BMPR1B: variants seen among roughly 807,000 people sequenced by gnomAD.
The protein encoded by BMPR1B is bone morphogenetic protein receptor type 1B.
BMPR1B carries 12 observed loss-of-function variants against 59.1 expected under a neutral mutation model. The observed-to-expected ratio is 0.20, with a 90% CI of 0.13 to 0.33. The LOEUF is 0.33. BMPR1B is among the 10% of genes least tolerant of loss of function. The pLI is 1.00. For missense variants in BMPR1B, 550 were observed against 610.9 expected, an observed-to-expected ratio of 0.90 and a Z score of 1.05; for synonymous variants, 237 against 207.3, an observed-to-expected ratio of 1.14 and a Z score of -1.23.
chr4:95,012,202 T>C (rs895167814), intron 3 of BMPR1B, among the ~76,000 whole-genome samples: 2 of 152,216 alleles, frequency 1.3e-5, no homozygotes, highest in African/African-American at 4.8e-5. Flanking sequence ...ATTCCCTATT[T>C]TGAGATGTCC....
chr4:94,796,170 G>A (rs1229908321), intron 1 of BMPR1B, among the ~76,000 whole-genome samples: 9 of 152,028 alleles, frequency 5.9e-5, no homozygotes, highest in Admixed American at 5.9e-4. Context: ...TCACCATGTT[G>A]GCCAGGCTGG....
At position 94,877,339 on chromosome 4, in the gene BMPR1B, G is replaced by A. The variant is rs370166729; in HGVS notation, c.-113+1439G>A. 2.0e-5 allele frequency among the ~76,000 whole-genome samples: 3 copies of A among 152,186 alleles called. No individual in the cohort carries two copies. The East Asian group carries it at 5.8e-4, about 29-fold the overall frequency. ...TGGAAAAGGTTTTGCTCATTTTTGA[G>A]TCATGCTTCCAGTTGTTGATGGGAT... On this transcript the variant is annotated intron_variant, in intron 2 of 12. Coordinates refer to ENST00000515059, the MANE Select transcript of BMPR1B (RefSeq NM_001203.3).
chr4:95,134,857 T>C (rs1733651990), intron 10 of BMPR1B, among the ~76,000 whole-genome samples: 1 of 152,224 alleles, frequency 6.6e-6, no homozygotes, highest in African/African-American at 2.4e-5. Context: ...CAGAAGCTCT[T>C]TAGTTTAATT....
At chr4:95,134,639 T>C (rs950248259) in intron 10 of BMPR1B, among the ~76,000 whole-genome samples, 13 of 152,254 alleles carry the variant, frequency 8.5e-5, no homozygotes, top group African/African-American at 1.4e-4. Context: ...CATTTTTTCA[T>C]GTGTCTTTTG....
intron 2 of BMPR1B, among the ~76,000 whole-genome samples, chr4:94,943,396 T>C (rs1355399204): frequency 6.6e-6 from 1 of 152,172 alleles, no homozygotes; most frequent in African/African-American, 2.4e-5. Context: ...AGGGCTGGGA[T>C]TACAGGCGTG....
At chr4:94,922,813 A>T (rs1014836564) in intron 2 of BMPR1B, among the ~76,000 whole-genome samples, 2 of 152,138 alleles carry the variant, frequency 1.3e-5, no homozygotes, top group Non-Finnish European at 2.9e-5. Flanking sequence ...TATTTAGATA[A>T]ATGTTAAAAT....
chr4:95,051,314 G>A lies in BMPR1B; in HGVS notation c.-17-53094G>A, dbSNP rs148035299. Among the ~76,000 whole-genome samples, 738 of 152,312 alleles carry A rather than the reference G, an allele frequency of 4.8e-3. 2 individuals are homozygous for A. The highest frequency in any genetic ancestry group is 0.016 in the African/African-American group (682 of 41,564). On this transcript the variant is annotated intron_variant, in intron 3 of 12. Coordinates refer to ENST00000515059, the MANE Select transcript of BMPR1B (RefSeq NM_001203.3). ...AGAAACAAACTATTTTATGACAGCA[G>A]CGTTTTAAATGAGGTTTGCTATGGA...
At chr4:94,817,697 G>C (rs2110648916) in intron 1 of BMPR1B, among the ~76,000 whole-genome samples, 1 of 152,220 alleles carries the variant, frequency 6.6e-6, no homozygotes, top group Middle Eastern at 3.4e-3. Context: ...CATGATTACT[G>C]TGAGGGTGAG....
chr4:94,942,915 T>G (rs887615565), intron 2 of BMPR1B, among the ~76,000 whole-genome samples: 1 of 152,216 alleles, frequency 6.6e-6, no homozygotes, highest in Non-Finnish European at 1.5e-5. Flanking sequence ...TCTCCGCATA[T>G]ACATGATACT....
intron 1 of BMPR1B, among the ~76,000 whole-genome samples, chr4:94,818,762 T>C (rs932754345): frequency 5.3e-5 from 8 of 152,188 alleles, no homozygotes; most frequent in Admixed American, 4.6e-4. Context: ...AAGAAATGTT[T>C]TATTAGTCTA....
chr4:95,052,854 C>G (rs1023847821), intron 3 of BMPR1B, among the ~76,000 whole-genome samples: 2 of 152,118 alleles, frequency 1.3e-5, no homozygotes, highest in African/African-American at 4.8e-5. Context: ...CTAGTTTAGT[C>G]TCTAAAAATT....
At chr4:94,869,604 A>G (rs535330624) in intron 1 of BMPR1B, among the ~76,000 whole-genome samples, 2 of 152,180 alleles carry the variant, frequency 1.3e-5, no homozygotes, top group African/African-American at 4.8e-5. Context: ...AATTAGAGGT[A>G]TGTTCCATCC....
chr4:94,843,720 T>TG (rs1389431635), intron 1 of BMPR1B, among the ~76,000 whole-genome samples: 1 of 150,230 alleles, frequency 6.7e-6, no homozygotes, highest in Non-Finnish European at 1.5e-5. Flanking sequence ...AAAAGAGGTG[T>TG]GGTAAATGAA....
chr4:95,028,952 T>C (rs913800559), intron 3 of BMPR1B, among the ~76,000 whole-genome samples: 8 of 152,020 alleles, frequency 5.3e-5, no homozygotes, highest in African/African-American at 1.9e-4. Flanking sequence ...TATATACAGA[T>C]TTATCAACAA....
At chr4:94,981,830 T>G (rs1036167655) in intron 2 of BMPR1B, among the ~76,000 whole-genome samples, 4 of 152,302 alleles carry the variant, frequency 2.6e-5, no homozygotes, top group Admixed American at 1.3e-4. Flanking sequence ...ATAGTTTCAG[T>G]AAATCAGCTT....
chr4:94,875,636 A>G (rs1242857973), intron 1 of BMPR1B, among the ~76,000 whole-genome samples, 195 bp from the exon 2 acceptor site: 1 of 152,200 alleles, frequency 6.6e-6, no homozygotes, highest in Non-Finnish European at 1.5e-5. Context: ...GTGAGCCAAG[A>G]TCGCGCCGCT....
At chr4:94,777,077 T>C (rs1354511750) in intron 1 of BMPR1B, among the ~76,000 whole-genome samples, 1 of 152,210 alleles carries the variant, frequency 6.6e-6, no homozygotes, top group Non-Finnish European at 1.5e-5. Flanking sequence ...TTTCCTTATT[T>C]TTATCATAAC....
chr4:95,124,683 C>G lies in BMPR1B; in HGVS notation c.447-300C>G, dbSNP rs10001213. 0.017 allele frequency among the ~76,000 whole-genome samples: 2,625 copies of G among 151,806 alleles called. 75 individuals carry two copies. Among genetic ancestry groups the G allele is most frequent in the African/African-American group, 0.06 (2,492 of 41,438 alleles). ...ATAATATTGGAGCTATTTAGAAACACTAGTAGAATGTAGTCTGCTTGGATA... is the reference window on the plus strand; with the variant it reads ...ATAATATTGGAGCTATTTAGAAACAGTAGTAGAATGTAGTCTGCTTGGATA... On this transcript the variant is annotated intron_variant, in intron 7 of 12. Transcript: ENST00000515059.
In BMPR1B at chr4:94,990,303, C is replaced by T. The variant is rs1244742331; in HGVS notation, c.-112-5737C>T. On this transcript the variant is annotated intron_variant, in intron 2 of 12. Coordinates refer to ENST00000515059, the MANE Select transcript of BMPR1B (RefSeq NM_001203.3). ...CTGGGAGGTGGAGGCTGCAGTGAGCCGAAATCATGCCACTGCACTCCAGCC... is the reference window on the plus strand; with the variant it reads ...CTGGGAGGTGGAGGCTGCAGTGAGCTGAAATCATGCCACTGCACTCCAGCC... Among the ~76,000 whole-genome samples, 4 of 151,876 alleles carry T rather than the reference C, an allele frequency of 2.6e-5. 1 individual carries two copies. Among genetic ancestry groups the T allele is most frequent in the Admixed American group, 1.3e-4 (2 of 15,244 alleles).
Sources: allele counts gnomAD v4.1 joint callset (sites outside exome capture counted in the v4.1 genomes callset), GRCh38; gene constraint gnomAD v4.1.1; transcripts MANE v1.5; gene names NCBI Gene and HGNC (gene_info 2026-07-23, HGNC 2026-07-21).